The following CUX2 variants were observed in gnomAD, a reference collection of about 807,000 sequenced individuals.
CUX2 encodes homeobox protein cut-like 2.
In CUX2, 40 loss-of-function variants were observed where a neutral mutation model predicts 144.8. The observed-to-expected ratio is 0.28, with a 90% confidence interval of 0.21 to 0.36. The LOEUF is 0.36. Ranked by LOEUF, CUX2 falls within the 10% of genes least tolerant of loss-of-function variation. CUX2 has a pLI of 1.00. For missense variants in CUX2, 1,615 were observed against 1,994.0 expected (o/e 0.81, Z 3.62); for synonymous variants, 827 against 875.6 (o/e 0.94, Z 0.98).
In CUX2 at chr12:111,338,473, A is replaced by T; in HGVS notation, c.3384A>T (p.Lys1128Asn). Residue 1128 changes from lysine to asparagine, a missense_variant and splice_region_variant, in exon 20 of 22, where the codon AAA becomes AAT. This residue lies in a region of CUX2 where 131 missense variants were observed against 223.1 expected (regional missense o/e 0.59). Transcript: ENST00000261726. ...KLRDMKKLEK[K>N]AYLKRRYGLI... ...GGGATATGAAGAAGCTGGAGAAGAA[A>T]GGTAAGACTTGGGCAGAGGATGGGC... 1 of 1,611,354 alleles carries T rather than the reference A, an allele frequency of 6.2e-7. No homozygotes were observed. Among genetic ancestry groups the T allele is most frequent in the Non-Finnish European group, 8.5e-7 (1 of 1,178,130 alleles).
In CUX2 at chr12:111,068,922, A is replaced by G. The variant is rs1322122147; in HGVS notation, c.63+34682A>G. Among the ~76,000 whole-genome samples, 2 of 152,080 alleles carry G rather than the reference A, an allele frequency of 1.3e-5. No individual in the cohort carries two copies. The highest frequency in any genetic ancestry group is 1.5e-5 in the Non-Finnish European group (1 of 68,010). ...GGAGTTCGAGACCAGCCTGGCCAAC[A>G]TGGTGAAACCCCATCTCTACTAATA... On this transcript the variant is annotated intron_variant, in intron 1 of 21. Transcript: ENST00000261726. This position sits in a 1 kb window ranked among gnomAD's most constrained non-coding sequence, Gnocchi z 4.9.
At chr12:111,181,458 T>A (rs533044365) in intron 1 of CUX2, among the ~76,000 whole-genome samples, 11 of 152,240 alleles carry the variant, frequency 7.2e-5, no homozygotes, top group Admixed American at 7.2e-4. Context: ...TATTGATCAA[T>A]ACCCTCAAAT....
Position 111,322,321 on chromosome 12 carries a change from CA to C in CUX2, c.2767-77del, listed in dbSNP as rs147389725. On this transcript the variant is annotated intron_variant, in intron 17 of 21. Transcript: ENST00000261726. The surrounding 1 kb of genome is among the most constrained non-coding windows in gnomAD (Gnocchi z 4.2). ...CGACAGACAAAGCGAGACTCTGCCT[CA>C]AAAAAAAAAAAAAAAAAAAAAAGGT... 97,361 of 748,338 alleles carry C rather than the reference CA, an allele frequency of 0.13. 72 individuals carry two copies. Among genetic ancestry groups the C allele is most frequent in the Non-Finnish European group, 0.14 (77,591 of 543,160 alleles). 46.4% of individuals were successfully genotyped at this position (748,338 alleles called of 1,614,324 possible). A position where few individuals can be genotyped will look rare whatever the true frequency, so the allele number is the denominator to read the frequency against.
At chr12:111,242,579 C>T (rs745824793) in intron 3 of CUX2, among the ~76,000 whole-genome samples, 6 of 152,042 alleles carry the variant, frequency 3.9e-5, no homozygotes, top group African/African-American at 9.7e-5. Flanking sequence ...TTTGGGAGAC[C>T]GAGGTGGGCA....
intron 1 of CUX2, among the ~76,000 whole-genome samples, chr12:111,051,762 G>A (rs1870278959): frequency 6.6e-6 from 1 of 151,906 alleles, no homozygotes; most frequent in Non-Finnish European, 1.5e-5. Flanking sequence ...ATTTATGTCT[G>A]CCATTTTGCT....
In CUX2 at chr12:111,310,285, G is replaced by T. The variant is rs764171576; in HGVS notation, c.1503G>T (p.Ala501=). The part of the protein sequence containing the change: ...MMPPAAFKGE[A]GGLLVFPPAF... Reference sequence around the variant, plus strand: ...CCCCAGCCGCCTTCAAGGGAGAGGCGGGCGGCCTGCTGGTGTTCCCCCCAG... The same window carrying T: ...CCCCAGCCGCCTTCAAGGGAGAGGCTGGCGGCCTGCTGGTGTTCCCCCCAG... Residue 501 remains alanine (A), a synonymous_variant, in exon 15 of 22, where the codon GCG becomes GCT. Coordinates refer to ENST00000261726, the MANE Select transcript of CUX2 (RefSeq NM_015267.4). This position sits in a 1 kb window ranked among gnomAD's most constrained non-coding sequence, Gnocchi z 7.9. 1 of 1,494,120 alleles carries T rather than the reference G, an allele frequency of 6.7e-7. No homozygotes were observed. The highest frequency in any genetic ancestry group is 1.4e-5 in the African/African-American group (1 of 72,106). 92.6% of individuals were successfully genotyped at this position (1,494,120 alleles called of 1,614,324 possible).
At position 111,306,938 on chromosome 12, in the gene CUX2, T is replaced by C. The variant is rs1364580398; in HGVS notation, c.876T>C (p.Thr292=). The change falls in exon 11 of 22, where the codon ACT becomes ACC. Residue 292 remains threonine (T), a synonymous_variant. Coordinates refer to ENST00000261726, the MANE Select transcript of CUX2 (RefSeq NM_015267.4). ...GCCTGCAGGATAAGGTGAACTTCAC[T>C]CTGTGCTCGGGCCCTCGGCTGGAGG... The part of the protein sequence containing the change: ...QGPSGDKVNF[T]LCSGPRLEAA... The C allele has an allele frequency of 3.1e-6, 5 of 1,607,872 alleles. No individual in the cohort carries two copies. The highest frequency in any genetic ancestry group is 3.4e-6 in the Non-Finnish European group (4 of 1,176,578).
At chr12:111,090,557 G>T (rs774914755) in intron 1 of CUX2, among the ~76,000 whole-genome samples, 3 of 152,038 alleles carry the variant, frequency 2.0e-5, no homozygotes, top group Non-Finnish European at 2.9e-5. Context: ...GAGCCACTGC[G>T]CCCGGCCTGC....
intron 1 of CUX2, among the ~76,000 whole-genome samples, chr12:111,199,774 G>A (rs758433514): frequency 9.2e-5 from 14 of 152,066 alleles, no homozygotes; most frequent in African/African-American, 3.4e-4. Flanking sequence ...ATCTATGTTT[G>A]TACGTGTGTT....
At chr12:111,052,149 A>G (rs1870299294) in intron 1 of CUX2, among the ~76,000 whole-genome samples, 1 of 151,318 alleles carries the variant, frequency 6.6e-6, no homozygotes, top group African/African-American at 2.4e-5. Flanking sequence ...TGCCTGCGAC[A>G]CTCTTCCCAT....
chr12:111,300,324 T>A (rs774389787), intron 9 of CUX2, among the ~76,000 whole-genome samples: 5 of 152,210 alleles, frequency 3.3e-5, no homozygotes, highest in Admixed American at 6.5e-5. Context: ...TTTTGCCATG[T>A]TGCCCAGGCT....
At chr12:111,066,028 A>G (rs1871006026) in intron 1 of CUX2, among the ~76,000 whole-genome samples, 1 of 152,270 alleles carries the variant, frequency 6.6e-6, no homozygotes, top group African/African-American at 2.4e-5. Flanking sequence ...GAGGCAAGGC[A>G]GAGACAGATC....
intron 1 of CUX2, among the ~76,000 whole-genome samples, chr12:111,058,628 G>C (rs539068624): frequency 6.6e-6 from 1 of 152,292 alleles, no homozygotes; most frequent in African/African-American, 2.4e-5. Context: ...TACAGGAGAA[G>C]CTGGAGGGTG....
intron 4 of CUX2, among the ~76,000 whole-genome samples, chr12:111,276,936 C>T (rs1330653491): frequency 9.2e-5 from 14 of 152,186 alleles, no homozygotes; most frequent in Admixed American, 6.5e-4. Context: ...CGTGAGCCAC[C>T]GCACCCGGCC....
intron 1 of CUX2, among the ~76,000 whole-genome samples, chr12:111,166,981 G>C (rs1214500471): frequency 6.6e-6 from 1 of 152,178 alleles, no homozygotes; most frequent in East Asian, 1.9e-4. Flanking sequence ...CGGCAACCTT[G>C]CCTGGGATAG....
intron 3 of CUX2, among the ~76,000 whole-genome samples, chr12:111,243,015 C>T (rs1252033043): frequency 6.6e-6 from 1 of 152,102 alleles, no homozygotes; most frequent in Non-Finnish European, 1.5e-5. Flanking sequence ...CATCCATGTC[C>T]CTGCAAAGGA....
chr12:111,176,931 G>A (rs1353930471), intron 1 of CUX2, among the ~76,000 whole-genome samples: 1 of 152,154 alleles, frequency 6.6e-6, no homozygotes, highest in African/African-American at 2.4e-5. Flanking sequence ...TCATTGCAGG[G>A]TCGTCCTGTG....
At chr12:111,099,688 C>A (rs1742687980) in intron 1 of CUX2, 1 of 456,622 alleles carries the variant, frequency 2.2e-6, no homozygotes, top group Non-Finnish European at 4.4e-6. Flanking sequence ...AGCTTTGGGG[C>A]TCCCAGTCTC....
At chr12:111,272,589 C>T (rs887108885) in intron 4 of CUX2, among the ~76,000 whole-genome samples, 2 of 152,110 alleles carry the variant, frequency 1.3e-5, no homozygotes, top group East Asian at 1.9e-4. Context: ...CTCAGCCTCC[C>T]GAGTAGCTGG....
Sources: gnomAD v4.1 joint callset for allele counts (sites outside exome capture counted in the v4.1 genomes callset) on GRCh38, gnomAD v4.1.1 for gene constraint, gnomAD v4.1.1 regional missense constraint, Gnocchi (gnomAD v3.1) non-coding constraint, MANE v1.5 for transcripts, NCBI Gene and HGNC (gene_info 2026-07-23, HGNC 2026-07-21) for gene names.